Variants in RTN4 observed in about 807,000 individuals in gnomAD.
RTN4 encodes reticulon 4.
RTN4 carries 32 observed loss-of-function variants against 90.4 expected under a neutral mutation model. That is an observed-to-expected ratio of 0.35 (90% CI 0.27 to 0.48). The LOEUF is 0.48. Ranked by LOEUF, RTN4 falls within the 20% of genes least tolerant of loss-of-function variation. The pLI, the probability that RTN4 is intolerant of heterozygous loss-of-function variation, is 0.99. For missense variants in RTN4, 1,706 were observed against 1,430.2 expected (o/e 1.19, Z -3.11); for synonymous variants, 629 against 552.5 (o/e 1.14, Z -1.94).
At chr2:54,990,764 G>C (rs1054578880) in intron 3 of RTN4, among the ~76,000 whole-genome samples, 22 of 151,988 alleles carry the variant, frequency 1.4e-4, no homozygotes, top group African/African-American at 4.3e-4. Flanking sequence ...CAGCAAGTAA[G>C]GTGTACCTCA....
intron 3 of RTN4, among the ~76,000 whole-genome samples, chr2:55,002,047 T>C (rs1679886836): frequency 1.3e-5 from 2 of 149,398 alleles, no homozygotes; most frequent in African/African-American, 4.8e-5. Context: ...AATCAAATCT[T>C]ATTTTATTTA....
At chr2:55,063,813 A>G (rs1668343629) in intron 2 of RTN4, among the ~76,000 whole-genome samples, 1 of 151,972 alleles carries the variant, frequency 6.6e-6, no homozygotes. Context: ...CCTGGGAGGC[A>G]GAGGTTACAG....
chr2:55,032,693 A>G (rs893197575), intron 1 of RTN4, among the ~76,000 whole-genome samples: 1 of 152,156 alleles, frequency 6.6e-6, no homozygotes, highest in Non-Finnish European at 1.5e-5. Context: ...GCTGAGAGAC[A>G]ATCAAGGAGT....
chr2:54,977,031 G>C (rs536092175), intron 5 of RTN4, among the ~76,000 whole-genome samples: 1 of 152,328 alleles, frequency 6.6e-6, no homozygotes, highest in South Asian at 2.1e-4. Flanking sequence ...TAAATTCACT[G>C]TGTATAACAC....
At chr2:55,137,277 G>A in the RTN4 span, among the ~76,000 whole-genome samples, 5 of 152,218 alleles carry the variant, frequency 3.3e-5, no homozygotes, top group Non-Finnish European at 5.9e-5. Context: ...AGGAGGGCAT[G>A]AGAAGAGGAG....
At chr2:55,019,493 G>T (rs1331734997) in intron 3 of RTN4, among the ~76,000 whole-genome samples, 1 of 152,168 alleles carries the variant, frequency 6.6e-6, no homozygotes, top group Non-Finnish European at 1.5e-5. Context: ...ACCAGTGAGG[G>T]ACTGATGAAT....
the RTN4 span, among the ~76,000 whole-genome samples, chr2:55,135,209 T>G: frequency 0.011 from 14 of 1,296 alleles, no homozygotes; most frequent in Admixed American, 0.071. Context: ...GTTTTTTTGG[T>G]TTTTTTTTTT....
At position 54,987,647 on chromosome 2, in the gene RTN4, C is replaced by A. The variant is rs769590478; in HGVS notation, c.3065G>T (p.Gly1022Val). The A allele has an allele frequency of 6.2e-7, 1 of 1,614,122 alleles. No homozygotes were observed. Among genetic ancestry groups the A allele is most frequent in the South Asian group, 1.1e-5 (1 of 91,072 alleles). The stretch of plus-strand genomic sequence containing the variant: ...TGAAAGCAGCAGGAATAGGCTGGCA[C>A]CAAACACCACTCCAGTCTTCTTAAT... ...RDIKKTGVVFGASLFLLLSLT... is the reference protein window; with the variant it reads ...RDIKKTGVVFVASLFLLLSLT... Residue 1022 changes from glycine to valine, a missense_variant, in exon 4 of 9, where the codon GGT becomes GTT. Transcript: ENST00000337526.
chr2:55,028,104 C>T, intron 2 of RTN4, 60 bp downstream of exon 2: 1 of 1,411,822 alleles, frequency 7.1e-7, no homozygotes, highest in South Asian at 1.2e-5. Flanking sequence ...ATAGTGTTAA[C>T]ACACTAAAGA....
intron 1 of RTN4, among the ~76,000 whole-genome samples, chr2:55,108,406 G>C (rs146611560): frequency 2.0e-4 from 31 of 152,214 alleles, no homozygotes; most frequent in Non-Finnish European, 4.0e-4. Flanking sequence ...GCAGGAGAGG[G>C]AGAAGGGTGA....
chr2:55,055,213 C>A (rs574071230), upstream of RTN4, among the ~76,000 whole-genome samples: 7 of 151,160 alleles, frequency 4.6e-5, no homozygotes, highest in African/African-American at 7.3e-5. Context: ...ATTTCAGATA[C>A]GAGAAAGTTA....
At chr2:55,110,778 T>C (rs1265975147) in intron 1 of RTN4, among the ~76,000 whole-genome samples, 1 of 152,194 alleles carries the variant, frequency 6.6e-6, no homozygotes, top group Non-Finnish European at 1.5e-5. Context: ...CGGTAGCTCA[T>C]GCCTATAATC....
intron 1 of RTN4, among the ~76,000 whole-genome samples, chr2:55,089,149 C>G (rs1668893823): frequency 6.6e-6 from 1 of 152,084 alleles, no homozygotes; most frequent in Admixed American, 6.6e-5. Flanking sequence ...TCTTGAACTC[C>G]TGACCTAAGG....
At chr2:54,985,155 T>G (rs1167380682) in intron 4 of RTN4, among the ~76,000 whole-genome samples, 1 of 52,764 alleles carries the variant, frequency 1.9e-5, no homozygotes, top group Non-Finnish European at 3.8e-5. Context: ...GACTCGGCCT[T>G]TTTTTTTTTT....
chr2:55,032,068 G>A lies in RTN4; in HGVS notation c.557-3848C>T, dbSNP rs563506994. ...TAGCAAATATAAACAAACAAATAACGTAGACGTTGGATTCGCACTTTTTTT... is the reference window on the plus strand; with the variant it reads ...TAGCAAATATAAACAAACAAATAACATAGACGTTGGATTCGCACTTTTTTT... On this transcript the variant is annotated intron_variant, in intron 1 of 8. Coordinates refer to ENST00000337526, the MANE Select transcript of RTN4 (RefSeq NM_020532.5). Among the ~76,000 whole-genome samples, 4 of 151,706 alleles carry A rather than the reference G, an allele frequency of 2.6e-5. No homozygotes were observed. In the South Asian group the frequency reaches 8.3e-4, roughly 32 times the overall value.
intron 3 of RTN4, among the ~76,000 whole-genome samples, chr2:55,021,322 T>C (rs1260160515): frequency 6.6e-6 from 1 of 152,064 alleles, no homozygotes; most frequent in Admixed American, 6.5e-5. Context: ...TCCTCAACAG[T>C]GTGTCTGTAC....
intron 1 of RTN4, among the ~76,000 whole-genome samples, chr2:55,104,482 C>A (rs1167461690): frequency 1.3e-5 from 2 of 151,956 alleles, no homozygotes; most frequent in Non-Finnish European, 2.9e-5. Context: ...TCCCGAGTAT[C>A]TGGGACTACA....
intron 3 of RTN4, among the ~76,000 whole-genome samples, chr2:55,013,855 G>C (rs941869034): frequency 7.2e-5 from 11 of 152,218 alleles, no homozygotes; most frequent in Non-Finnish European, 1.0e-4. Flanking sequence ...AAGGGAAAGA[G>C]GGTGGGAAAG....
At chr2:55,102,308 G>T (rs572911288) in intron 1 of RTN4, among the ~76,000 whole-genome samples, 1 of 152,084 alleles carries the variant, frequency 6.6e-6, no homozygotes, top group Non-Finnish European at 1.5e-5. Context: ...AGGCCAGGGG[G>T]TAGCAAACCT....
Sources: allele counts gnomAD v4.1 joint callset (sites outside exome capture counted in the v4.1 genomes callset), GRCh38; gene constraint gnomAD v4.1.1; transcripts MANE v1.5; gene names NCBI Gene and HGNC (gene_info 2026-07-23, HGNC 2026-07-21).